The following ARPC4 variants were observed in gnomAD, a reference collection of about 807,000 sequenced individuals.
ARPC4 encodes the protein actin-related protein 2/3 complex subunit 4.
In ARPC4, 3 loss-of-function variants were observed where a neutral mutation model predicts 22.8. That is an observed-to-expected ratio of 0.13 (90% CI 0.06 to 0.34). The LOEUF is 0.34. Among genes scored for constraint, ARPC4 ranks in the 10% least tolerant of loss-of-function variants. The probability of loss-of-function intolerance (pLI) is 1.00; values close to 1 mark genes in which losing one functional copy is unlikely to be tolerated. For missense variants in ARPC4, 98 were observed against 211.0 expected (o/e 0.46, Z 3.32); for synonymous variants, 80 against 72.5 (o/e 1.10, Z -0.52).
At position 9,806,292 on chromosome 3, in the gene ARPC4, G is replaced by A. The variant is rs944671356; in HGVS notation, c.*77G>A. 1.5e-5 allele frequency: 23 copies of A among 1,535,850 alleles called. No homozygotes were observed. Among genetic ancestry groups the A allele is most frequent in the East Asian group, 2.2e-5 (1 of 44,508 alleles). On this transcript the variant is annotated 3_prime_UTR_variant, in exon 6 of 6. Coordinates refer to ENST00000397261, the MANE Select transcript of ARPC4 (RefSeq NM_005718.5). ...CGAAGGCGTCCTGGAGTCACTCCCCGAGCAGCGCGGCGGCGGCAGGGAGTT... is the reference window on the plus strand; with the variant it reads ...CGAAGGCGTCCTGGAGTCACTCCCCAAGCAGCGCGGCGGCGGCAGGGAGTT...
At chr3:9,795,284 G>C (rs949682362) in intron 1 of ARPC4, among the ~76,000 whole-genome samples, 5 of 152,148 alleles carry the variant, frequency 3.3e-5, no homozygotes, top group African/African-American at 1.2e-4. Flanking sequence ...ACAGGCGTGA[G>C]CCCCTGGGAA....
At chr3:9,805,531 G>C (rs924293394) in intron 5 of ARPC4, among the ~76,000 whole-genome samples, 1 of 152,228 alleles carries the variant, frequency 6.6e-6, no homozygotes, top group Admixed American at 6.5e-5. Flanking sequence ...ATGTGCAGGG[G>C]CTGGCTCCCA....
chr3:9,792,876 G>A (rs182437897), upstream of ARPC4: 99 of 1,385,836 alleles, frequency 7.1e-5, 2 homozygotes, highest in Admixed American at 3.2e-3. Context: ...AAGGGAAGCT[G>A]CACCCATTCC....
chr3:9,803,644 G>T, intron 4 of ARPC4, 199 bp from the exon 5 acceptor site: 1 of 743,982 alleles, frequency 1.3e-6, no homozygotes, highest in Non-Finnish European at 2.5e-6. Flanking sequence ...TCTCAACGGG[G>T]TTCAGTTGCT....
At chr3:9,803,616 G>T (rs893831736) in intron 4 of ARPC4, 8 of 688,768 alleles carry the variant, frequency 1.2e-5, no homozygotes, top group Non-Finnish European at 1.9e-5. Flanking sequence ...TTCCAGAGAT[G>T]TCTGATACAC....
At chr3:9,802,263 G>T (rs113594155) in intron 4 of ARPC4, among the ~76,000 whole-genome samples, 2 of 141,386 alleles carry the variant, frequency 1.4e-5, no homozygotes, top group Non-Finnish European at 1.5e-5. Flanking sequence ...AAAAAAAAAG[G>T]CAAAAAAGAT....
chr3:9,799,972 G>A lies in ARPC4; in HGVS notation c.123-213G>A. The A allele has an allele frequency of 4.5e-6, 3 of 659,790 alleles. No individual in the cohort carries two copies. In the Admixed American group the frequency reaches 6.3e-5, roughly 14 times the overall value. The allele number at this position is 659,790 out of a possible 1,614,324, so 40.9% of individuals were successfully genotyped here. A position where few individuals can be genotyped will look rare whatever the true frequency, so the allele number is the denominator to read the frequency against. On this transcript the variant is annotated intron_variant, in intron 2 of 5. Coordinates refer to ENST00000397261, the MANE Select transcript of ARPC4 (RefSeq NM_005718.5). ...TTGCCCAAGGAAAGTAACAGAGGAG[G>A]CTGGATTTCAAAACCTTTTCGCCCT...
At chr3:9,801,520 C>G in intron 3 of ARPC4, 141 bp from the exon 4 acceptor site, 1 of 720,370 alleles carries the variant, frequency 1.4e-6, no homozygotes, top group Non-Finnish European at 2.2e-6. Context: ...CCAGGTCCCC[C>G]ACTTCAGTGA....
rs141682628 is a variant in ARPC4, at chr3:9,801,470, T to C, written c.235-191T>C. On this transcript the variant is annotated intron_variant, in intron 3 of 5. Transcript: ENST00000397261. ...TTACCTCTCTGGAATGGGTCGTCAT[T>C]AAGAGATGCCCCAAGGTAGACCCTT... Among the ~76,000 whole-genome samples, 236 of 152,236 alleles carry C rather than the reference T, an allele frequency of 1.6e-3. 8 individuals carry two copies. Among genetic ancestry groups the C allele is most frequent in the East Asian group, 0.013 (69 of 5,176 alleles).
chr3:9,793,260 G>A, intron 1 of ARPC4, 136 bp downstream of exon 1: 1 of 1,417,624 alleles, frequency 7.1e-7, no homozygotes, highest in East Asian at 2.7e-5. Context: ...GATGAGGGTG[G>A]GAAAAAGAGA....
At chr3:9,799,030 G>A (rs753816555) in intron 2 of ARPC4, among the ~76,000 whole-genome samples, 12 of 152,080 alleles carry the variant, frequency 7.9e-5, no homozygotes, top group Admixed American at 1.3e-4. Context: ...ACTGTGTAAC[G>A]TACACGATTT....
chr3:9,792,811 C>T (rs1466585761), upstream of ARPC4: 2 of 1,344,636 alleles, frequency 1.5e-6, no homozygotes, highest in Admixed American at 3.7e-5. Flanking sequence ...CTGGGCTGTA[C>T]CATTGCATAC....
At chr3:9,793,801 T>C (rs1253315885) in intron 1 of ARPC4, among the ~76,000 whole-genome samples, 1 of 152,154 alleles carries the variant, frequency 6.6e-6, no homozygotes, top group Non-Finnish European at 1.5e-5. Flanking sequence ...CTGGGAGTTG[T>C]GACTTTGGAT....
Position 9,801,681 on chromosome 3 carries a change from T to C in ARPC4, c.255T>C (p.Ile85=). 1 of 1,609,574 alleles carries C rather than the reference T, an allele frequency of 6.2e-7. No individual in the cohort carries two copies. The highest frequency in any genetic ancestry group is 8.5e-7 in the Non-Finnish European group (1 of 1,177,510). ...CCCAGGCTGATGAGATCGAGAAGAT[T>C]TTGTGCCACAAGTTCATGCGCTTCA... ...AVKQADEIEK[I]LCHKFMRFMM... The change falls in exon 4 of 6, where the codon ATT becomes ATC. Residue 85 remains isoleucine (I), a synonymous_variant. Transcript: ENST00000397261.
Position 9,804,025 on chromosome 3 carries a change from C to T in ARPC4, c.501+12C>T, listed in dbSNP as rs2079062856. The T allele has an allele frequency of 1.2e-6, 2 of 1,612,338 alleles. No homozygotes were observed. Among genetic ancestry groups the T allele is most frequent in the South Asian group, 2.2e-5 (2 of 91,004 alleles). ...AGTTCCTTAAGAATGTGAGTAGGGG[C>T]CTTTAGCTTTCCTTCCAGAGGCCAG... On this transcript the variant is annotated intron_variant, in intron 5 of 5. Coordinates refer to ENST00000397261, the MANE Select transcript of ARPC4 (RefSeq NM_005718.5).
At chr3:9,805,170 A>C (rs1467950733) in intron 5 of ARPC4, among the ~76,000 whole-genome samples, 1 of 152,198 alleles carries the variant, frequency 6.6e-6, no homozygotes, top group Non-Finnish European at 1.5e-5. Flanking sequence ...TGGCTCACTC[A>C]CTCAACAATC....
At chr3:9,798,174 A>AT (rs1357077701) in intron 2 of ARPC4, 1,148 of 86,544 alleles carry the variant, frequency 0.013, 14 homozygotes, top group African/African-American at 0.05. Context: ...ATGATCAGGG[A>AT]TTTTTTTTTT....
At chr3:9,805,562 C>G (rs1057317048) in intron 5 of ARPC4, among the ~76,000 whole-genome samples, 3 of 152,208 alleles carry the variant, frequency 2.0e-5, no homozygotes, top group African/African-American at 7.2e-5. Context: ...GGCCATTGAA[C>G]CCCCAAATTT....
intron 2 of ARPC4, among the ~76,000 whole-genome samples, chr3:9,799,050 C>G (rs959951539): frequency 6.6e-6 from 1 of 152,078 alleles, no homozygotes. Flanking sequence ...TCCAGTGGGC[C>G]TTTGAAAATG....
Sources: allele counts gnomAD v4.1 joint callset (sites outside exome capture counted in the v4.1 genomes callset), GRCh38; gene constraint gnomAD v4.1.1; transcripts MANE v1.5; gene names NCBI Gene and HGNC (gene_info 2026-07-23, HGNC 2026-07-21).